PRKN: variants seen among roughly 807,000 people sequenced by gnomAD.
PRKN encodes the protein E3 ubiquitin-protein ligase parkin.
A neutral mutation model predicts 59.5 loss-of-function variants in PRKN; 56 were observed. That is an observed-to-expected ratio of 0.94 (90% CI 0.76 to 1.18). PRKN has a LOEUF of 1.18. PRKN is among the 50% of genes most tolerant of loss of function. PRKN has a pLI of 0.00. For synonymous variants in PRKN, 250 were observed against 222.1 expected (o/e 1.13, Z -1.12); for missense variants, 657 against 596.4 (o/e 1.10, Z -1.06).
At chr6:161,522,572 T>A (rs1043054857) in intron 9 of PRKN, among the ~76,000 whole-genome samples, 1 of 152,224 alleles carries the variant, frequency 6.6e-6, no homozygotes, top group Non-Finnish European at 1.5e-5. Flanking sequence ...TCATCTCAAT[T>A]TAGGACAACA....
chr6:161,408,709 T>C (rs919344076), intron 9 of PRKN, among the ~76,000 whole-genome samples: 2 of 152,038 alleles, frequency 1.3e-5, no homozygotes, highest in Non-Finnish European at 2.9e-5. Flanking sequence ...GGTGGCAAGA[T>C]CTGCTGTGTA....
At chr6:161,788,099 C>T (rs553915238) in intron 6 of PRKN, among the ~76,000 whole-genome samples, 1 of 152,324 alleles carries the variant, frequency 6.6e-6, no homozygotes, top group East Asian at 1.9e-4. Flanking sequence ...GCAGGCTTTT[C>T]CATTCCTGTT....
intron 4 of PRKN, among the ~76,000 whole-genome samples, chr6:162,113,176 AT>A (rs1457978898): frequency 6.6e-6 from 1 of 152,182 alleles, no homozygotes; most frequent in Non-Finnish European, 1.5e-5. Context: ...GTATTAAGCC[AT>A]ATGAAATATC....
At chr6:162,616,893 A>G (rs1332719090) in intron 1 of PRKN, among the ~76,000 whole-genome samples, 1 of 152,198 alleles carries the variant, frequency 6.6e-6, no homozygotes, top group African/African-American at 2.4e-5. Flanking sequence ...TCTCACACTT[A>G]AAAACAAAGT....
intron 9 of PRKN, among the ~76,000 whole-genome samples, chr6:161,472,492 C>T (rs1213465989): frequency 6.6e-6 from 1 of 152,136 alleles, no homozygotes; most frequent in African/African-American, 2.4e-5. Flanking sequence ...TAGCTTGTAT[C>T]ATACACAAAA....
At chr6:161,662,470 A>C (rs961265696) in intron 7 of PRKN, among the ~76,000 whole-genome samples, 3 of 152,090 alleles carry the variant, frequency 2.0e-5, no homozygotes, top group African/African-American at 2.4e-5. Flanking sequence ...ACAGTGGCAC[A>C]TGGCAGTGGC....
chr6:161,911,860 A>G (rs567377344), intron 6 of PRKN, among the ~76,000 whole-genome samples: 1 of 152,264 alleles, frequency 6.6e-6, no homozygotes, highest in East Asian at 1.9e-4. Flanking sequence ...CAAGTGCGAA[A>G]AATCAAAGAA....
At chr6:162,325,509 G>T (rs1312101140) in intron 2 of PRKN, among the ~76,000 whole-genome samples, 1 of 151,998 alleles carries the variant, frequency 6.6e-6, no homozygotes, top group East Asian at 1.9e-4. Context: ...TGTTCCCAGG[G>T]TCTACAGAGG....
intron 7 of PRKN, among the ~76,000 whole-genome samples, chr6:161,701,130 C>T (rs866865186): frequency 1.3e-5 from 2 of 152,150 alleles, no homozygotes; most frequent in Non-Finnish European, 2.9e-5. Context: ...ACTGAAATAA[C>T]CAAAGTAGGA....
At chr6:162,117,115 C>G (rs539004612) in intron 4 of PRKN, among the ~76,000 whole-genome samples, 1 of 152,228 alleles carries the variant, frequency 6.6e-6, no homozygotes, top group East Asian at 1.9e-4. Flanking sequence ...GACATAAAAA[C>G]CACTTTAAAT....
At chr6:162,274,610 A>T (rs1201168643) in intron 2 of PRKN, among the ~76,000 whole-genome samples, 3 of 152,172 alleles carry the variant, frequency 2.0e-5, no homozygotes, top group Admixed American at 2.0e-4. Context: ...TAATTTCACA[A>T]CATTTTCTCT....
chr6:162,583,555 T>C (rs1045407336), intron 1 of PRKN, among the ~76,000 whole-genome samples: 1 of 152,188 alleles, frequency 6.6e-6, no homozygotes, highest in Admixed American at 6.5e-5. Flanking sequence ...GTAGAATCAT[T>C]CTTCACTGAT....
chr6:162,294,597 C>T (rs1486019887), intron 2 of PRKN, among the ~76,000 whole-genome samples: 1 of 152,118 alleles, frequency 6.6e-6, no homozygotes, highest in African/African-American at 2.4e-5. Context: ...TTAACTCCTG[C>T]ACACGATTTA....
rs79392066 is a variant in PRKN, at chr6:162,187,253, T to C, written c.534+13878A>G. Among the ~76,000 whole-genome samples the C allele has an allele frequency of 7.4e-3, 1,131 of 152,200 alleles. 14 individuals carry two copies. The highest frequency in any genetic ancestry group is 0.026 in the African/African-American group (1,071 of 41,540). The stretch of plus-strand genomic sequence containing the variant: ...GTGATCACCGGAGGAGGAACATCAG[T>C]ATATGCTTGGAGGTGAAGCAGACAT... On this transcript the variant is annotated intron_variant, in intron 4 of 11. Transcript: ENST00000366898.
rs1311881969 is a variant in PRKN at position 161,456,432 on chromosome 6, G to A, written c.1084-69555C>T. 6.6e-6 allele frequency among the ~76,000 whole-genome samples: 1 copy of A among 152,208 alleles called. No individual in the cohort carries two copies. The highest frequency in any genetic ancestry group is 1.5e-5 in the Non-Finnish European group (1 of 68,040). ...CTCAGGCCTTTGGCCACAGACTGAA[G>A]GCTGCACTGTCGGCTTCCCTACTTT... On this transcript the variant is annotated intron_variant, in intron 9 of 11. Transcript: ENST00000366898. This position sits in a 1 kb window ranked among gnomAD's most constrained non-coding sequence, Gnocchi z 4.8.
At chr6:161,679,677 C>CG (rs1388371565) in intron 7 of PRKN, among the ~76,000 whole-genome samples, 2 of 132,106 alleles carry the variant, frequency 1.5e-5, no homozygotes, top group Non-Finnish European at 3.3e-5. Flanking sequence ...TAGAACCACC[C>CG]CCCCCCCTTT....
intron 1 of PRKN, among the ~76,000 whole-genome samples, chr6:162,700,601 T>G (rs946057946): frequency 3.3e-5 from 5 of 152,110 alleles, no homozygotes; most frequent in African/African-American, 4.8e-5. Flanking sequence ...GTGACATGAT[T>G]CAGTTAAAAC....
intron 6 of PRKN, among the ~76,000 whole-genome samples, chr6:161,948,112 A>G (rs1779849495): frequency 6.6e-6 from 1 of 152,016 alleles, no homozygotes; most frequent in African/African-American, 2.4e-5. Flanking sequence ...CAGCCTCCCA[A>G]GTAGCTGGGA....
Position 162,370,404 on chromosome 6 carries a change from T to C in PRKN, c.171+72906A>G, listed in dbSNP as rs556795733. On this transcript the variant is annotated intron_variant, in intron 2 of 11. Transcript: ENST00000366898. ...GGACACTGGACTGAAAAACCAAGGA[T>C]GTTGTATAAATATTCGTCCTTGTGT... 2.8e-4 allele frequency among the ~76,000 whole-genome samples: 43 copies of C among 152,282 alleles called. No individual in the cohort carries two copies. In the South Asian group the frequency reaches 8.5e-3, roughly 30 times the overall value.
Sources: gnomAD v4.1 joint callset for allele counts (sites outside exome capture counted in the v4.1 genomes callset) on GRCh38, gnomAD v4.1.1 for gene constraint, Gnocchi (gnomAD v3.1) non-coding constraint, MANE v1.5 for transcripts, NCBI Gene and HGNC (gene_info 2026-07-23, HGNC 2026-07-21) for gene names.